TBCD: variants seen among roughly 807,000 people sequenced by gnomAD.
The protein encoded by TBCD is tubulin-specific chaperone D.
In TBCD, 105 loss-of-function variants were observed where a neutral mutation model predicts 169.3. The observed-to-expected ratio is 0.62, with a 90% CI of 0.53 to 0.73. TBCD has a LOEUF of 0.73. TBCD is among the 30% of genes least tolerant of loss of function. The pLI is 0.00. For synonymous variants in TBCD, 700 were observed against 643.9 expected (o/e 1.09, Z -1.32); for missense variants, 1,444 against 1,600.1 (o/e 0.90, Z 1.66).
intron 13 of TBCD, chr17:82,838,723 C>T: frequency 4.1e-6 from 4 of 985,366 alleles, no homozygotes; most frequent in Non-Finnish European, 4.8e-6. Context: ...ACAACCAAGA[C>T]CTGGGGAAAA....
intron 23 of TBCD, 117 bp downstream of exon 23, chr17:82,911,906 G>A: frequency 1.9e-6 from 2 of 1,034,538 alleles, no homozygotes; most frequent in Non-Finnish European, 2.9e-6. Flanking sequence ...GGCTGGGTGT[G>A]TTTCTTCTGT....
chr17:82,929,303 C>T (rs2147303337), intron 31 of TBCD, 32 bp downstream of exon 31: 1 of 1,611,148 alleles, frequency 6.2e-7, no homozygotes, highest in Non-Finnish European at 8.5e-7. Context: ...CCCGTGCTGG[C>T]CCCGCAGCCA....
Position 82,798,313 on chromosome 17 carries a change from A to AT in TBCD, c.817+517dup, listed in dbSNP as rs568645548. 2.5e-3 allele frequency among the ~76,000 whole-genome samples: 376 copies of AT among 152,008 alleles called. 3 individuals are homozygous for AT. Among genetic ancestry groups the AT allele is most frequent in the African/African-American group, 8.8e-3 (363 of 41,438 alleles). ...AGGTGCCTGCCACAATGCCCAGCTA[A>AT]TTTTTTGTATTTTTAGTAGAGATGG... On this transcript the variant is annotated intron_variant, in intron 8 of 38. Coordinates refer to ENST00000355528, the MANE Select transcript of TBCD (RefSeq NM_005993.5).
chr17:82,783,266 C>T (rs774319689), intron 7 of TBCD, among the ~76,000 whole-genome samples: 1 of 152,212 alleles, frequency 6.6e-6, no homozygotes, highest in African/African-American at 2.4e-5. Flanking sequence ...AAACTGCAGA[C>T]GTGTTTCCTG....
At chr17:82,777,971 C>G (rs577564426) in intron 6 of TBCD, among the ~76,000 whole-genome samples, 8 of 152,370 alleles carry the variant, frequency 5.3e-5, no homozygotes, top group African/African-American at 1.9e-4. Context: ...ACCGCTAGAC[C>G]AAGGAGCCCT....
chr17:82,752,131 G>A lies in TBCD; in HGVS notation c.-63G>A, dbSNP rs186380854. ...CCCTCATCCTTCATCCCTGGCTTTC[G>A]CGCTCTAGCGGAGTGGGATCTGCGA... On this transcript the variant is annotated 5_prime_UTR_variant, in exon 1 of 39. Coordinates refer to ENST00000355528, the MANE Select transcript of TBCD (RefSeq NM_005993.5). The A allele has an allele frequency of 5.6e-6, 8 of 1,419,202 alleles. No individual in the cohort carries two copies. In the East Asian group the frequency reaches 1.8e-4, roughly 32 times the overall value. The allele number at this position is 1,419,202 out of a possible 1,614,324, so 87.9% of individuals were successfully genotyped here. A position where few individuals can be genotyped will look rare whatever the true frequency, so the allele number is the denominator to read the frequency against.
At chr17:82,926,308 G>A in intron 27 of TBCD, 92 bp from the exon 28 acceptor site, 1 of 1,193,802 alleles carries the variant, frequency 8.4e-7, no homozygotes, top group Non-Finnish European at 1.2e-6. Flanking sequence ...CATGGTGTGG[G>A]GTCTGTGGCT....
rs1382217000 is a variant in TBCD at position 82,915,975 on chromosome 17, G to A, written c.2038+4186G>A. Among the ~76,000 whole-genome samples the A allele has an allele frequency of 2.0e-5, 3 of 152,154 alleles. No individual in the cohort carries two copies. Among genetic ancestry groups the A allele is most frequent in the Non-Finnish European group, 2.9e-5 (2 of 68,028 alleles). ...CAGCAGAGACATGGCCGGTGCTGTCGTGCCTTTCGCTTTTACCTGTATCTT... is the reference window on the plus strand; with the variant it reads ...CAGCAGAGACATGGCCGGTGCTGTCATGCCTTTCGCTTTTACCTGTATCTT... On this transcript the variant is annotated intron_variant, in intron 23 of 38. Transcript: ENST00000355528. This position sits in a 1 kb window ranked among gnomAD's most constrained non-coding sequence, Gnocchi z 4.3.
chr17:82,867,300 C>T (rs945853948), intron 13 of TBCD, among the ~76,000 whole-genome samples: 9 of 152,200 alleles, frequency 5.9e-5, no homozygotes, highest in Non-Finnish European at 1.3e-4. Flanking sequence ...CTGCCACTCG[C>T]GGTTGTCTGT....
chr17:82,937,677 G>C, intron 35 of TBCD: 2 of 614,366 alleles, frequency 3.3e-6, no homozygotes, highest in South Asian at 4.2e-5. Context: ...TGTGCCCTGG[G>C]GGTCGCTGTT....
rs1167687560 is a variant in TBCD at position 82,922,934 on chromosome 17, C to G, written c.2179-718C>G. Among the ~76,000 whole-genome samples the G allele has an allele frequency of 6.6e-6, 1 of 152,250 alleles. No individual in the cohort carries two copies. Among genetic ancestry groups the G allele is most frequent in the Non-Finnish European group, 1.5e-5 (1 of 68,042 alleles). On this transcript the variant is annotated intron_variant, in intron 25 of 38. Coordinates refer to ENST00000355528, the MANE Select transcript of TBCD (RefSeq NM_005993.5). This position sits in a 1 kb window ranked among gnomAD's most constrained non-coding sequence, Gnocchi z 4.1. ...GGAGACAGTGGCACTGAGCCCCGCA[C>G]GCGGCGGGACTGGTGACTCTCTGCC...
At chr17:82,932,980 G>A (rs975547184) in intron 34 of TBCD, 41 of 518,002 alleles carry the variant, frequency 7.9e-5, no homozygotes, top group Non-Finnish European at 1.4e-4. Flanking sequence ...GGCTGAGGCG[G>A]GGGCCCTGCT....
intron 5 of TBCD, among the ~76,000 whole-genome samples, chr17:82,771,330 A>G (rs2048303102): frequency 6.6e-6 from 1 of 152,008 alleles, no homozygotes; most frequent in Admixed American, 6.6e-5. Context: ...AAAGAAAATT[A>G]GCCAGGTGTG....
At chr17:82,791,088 C>A (rs1598510284) in intron 7 of TBCD, among the ~76,000 whole-genome samples, 1 of 108,964 alleles carries the variant, frequency 9.2e-6, no homozygotes, top group South Asian at 3.3e-4. Context: ...GTGTCTCTTG[C>A]ATCTTTTTTT....
In TBCD at chr17:82,929,446, C is replaced by T; in HGVS notation, c.2937C>T (p.Arg979=). 1 of 1,611,800 alleles carries T rather than the reference C, an allele frequency of 6.2e-7. No individual in the cohort carries two copies. Among genetic ancestry groups the T allele is most frequent in the Non-Finnish European group, 8.5e-7 (1 of 1,179,886 alleles). ...AGCTCCTTGGGCTGCCCACCTACCGCTACCACGTCCTGCTGGGGCTAGTCG... is the reference window on the plus strand; with the variant it reads ...AGCTCCTTGGGCTGCCCACCTACCGTTACCACGTCCTGCTGGGGCTAGTCG... The part of the protein sequence containing the change: ...ITQLLGLPTY[R]YHVLLGLVVS... Residue 979 remains arginine, a synonymous_variant, in exon 32 of 39, where the codon CGC becomes CGT. Transcript: ENST00000355528.
intron 14 of TBCD, among the ~76,000 whole-genome samples, chr17:82,873,863 G>A (rs182622223): frequency 1.1e-4 from 16 of 152,278 alleles, no homozygotes; most frequent in Admixed American, 3.3e-4. Flanking sequence ...TGATCTGTTC[G>A]CACATTCTCA....
intron 3 of TBCD, among the ~76,000 whole-genome samples, chr17:82,764,717 C>A (rs1156357046): frequency 6.6e-6 from 1 of 152,230 alleles, no homozygotes; most frequent in Non-Finnish European, 1.5e-5. Context: ...AGATTTTGAG[C>A]AAGTAGGTCT....
intron 13 of TBCD, among the ~76,000 whole-genome samples, chr17:82,827,631 C>G (rs1422993400): frequency 6.6e-6 from 1 of 152,160 alleles, no homozygotes; most frequent in Non-Finnish European, 1.5e-5. Flanking sequence ...CATGTGCACA[C>G]TGACACATGC....
At position 82,929,208 on chromosome 17, in the gene TBCD, A is replaced by G. The variant is rs775950678; in HGVS notation, c.2789A>G (p.His930Arg). The change falls in exon 31 of 39, where the codon CAC (histidine) becomes CGC (arginine). Residue 930 changes from histidine (H) to arginine (R), a missense_variant. Physicochemically the swap from His to Arg is conservative, Grantham distance 29. Transcript: ENST00000355528. ...GCCAGCGTGTTCCTGACGCTCCTGC[A>G]CTTTGACAGCCCTCCCATCCCCCAC... ...HAASVFLTLL[H>R]FDSPPIPHVP... 5 of 1,613,622 alleles carry G rather than the reference A, an allele frequency of 3.1e-6. No homozygotes were observed. The Admixed American group carries it at 6.7e-5, about 22-fold the overall frequency.
Sources: gnomAD v4.1 joint callset for allele counts (sites outside exome capture counted in the v4.1 genomes callset) on GRCh38, gnomAD v4.1.1 for gene constraint, Gnocchi (gnomAD v3.1) non-coding constraint, MANE v1.5 for transcripts, NCBI Gene and HGNC (gene_info 2026-07-23, HGNC 2026-07-21) for gene names.